The following SH3BGRL2 variants were observed in gnomAD, a reference collection of about 807,000 sequenced individuals.
SH3BGRL2 encodes SH3 domain binding glutamate rich protein like 2, also known as SH3 domain-binding glutamic acid-rich-like protein 2.
A neutral mutation model predicts 14.8 loss-of-function variants in SH3BGRL2; 21 were observed. That is an observed-to-expected ratio of 1.42 (90% confidence interval 1.01 to 2.05). The LOEUF (loss-of-function observed/expected upper bound fraction) is 2.05. Among genes scored for constraint, SH3BGRL2 ranks in the 30% most tolerant of loss-of-function variants. SH3BGRL2 has a pLI of 0.00. For synonymous variants in SH3BGRL2, 50 were observed against 47.8 expected (o/e 1.05, Z -0.19); for missense variants, 147 against 130.8 (o/e 1.12, Z -0.61).
At chr6:79,684,798 G>T (rs1348969163) in intron 2 of SH3BGRL2, among the ~76,000 whole-genome samples, 1 of 152,134 alleles carries the variant, frequency 6.6e-6, no homozygotes, top group Non-Finnish European at 1.5e-5. Flanking sequence ...TCTTAGAGAA[G>T]TTTATCTGCA....
At chr6:79,601,090 G>A in the SH3BGRL2 span, among the ~76,000 whole-genome samples, 1 of 152,162 alleles carries the variant, frequency 6.6e-6, no homozygotes, top group African/African-American at 2.4e-5. Context: ...TGGCAGCACT[G>A]TTTACCTAAA....
intron 1 of SH3BGRL2, among the ~76,000 whole-genome samples, chr6:79,647,459 A>G (rs12527512): frequency 3.3e-5 from 5 of 152,160 alleles, no homozygotes; most frequent in African/African-American, 7.2e-5. Context: ...ATCAACTCCT[A>G]TGTATTTATG....
chr6:79,648,270 AT>A (rs1331890480), intron 1 of SH3BGRL2, among the ~76,000 whole-genome samples: 13 of 127,600 alleles, frequency 1.0e-4, no homozygotes, highest in African/African-American at 3.5e-4. Context: ...ATATATATAT[AT>A]ATATATATAT....
At chr6:79,697,712 A>G (rs1770362246) in intron 3 of SH3BGRL2, among the ~76,000 whole-genome samples, 1 of 152,186 alleles carries the variant, frequency 6.6e-6, no homozygotes, top group Non-Finnish European at 1.5e-5. Flanking sequence ...TTTTATAAAG[A>G]TGGAACATTT....
At chr6:79,593,640 G>A in the SH3BGRL2 span, among the ~76,000 whole-genome samples, 3 of 152,130 alleles carry the variant, frequency 2.0e-5, no homozygotes, top group Admixed American at 2.0e-4. Flanking sequence ...AAAATACATT[G>A]CATATTAGAA....
At chr6:79,636,166 A>T (rs1768917481) in intron 1 of SH3BGRL2, among the ~76,000 whole-genome samples, 1 of 152,210 alleles carries the variant, frequency 6.6e-6, no homozygotes, top group African/African-American at 2.4e-5. Context: ...AGAGGAAGAG[A>T]CTGAAGCAAG....
chr6:79,673,697 A>C lies in SH3BGRL2; in HGVS notation c.129A>C (p.Glu43Asp). ...EFEEVDITMS[E>D]EQRQWMYKNV... ...AGGAGGTGGATATCACAATGTCAGA[A>C]GAACAGAGGCAATGGATGTACAAAA... The change falls in exon 2 of 4, where the codon GAA becomes GAC. Residue 43 changes from glutamate (E) to aspartate (D), a missense_variant. Glu to Asp is a conservative substitution (Grantham distance 45, BLOSUM62 2). Transcript: ENST00000369838. 1 of 1,614,212 alleles carries C rather than the reference A, an allele frequency of 6.2e-7. No individual in the cohort carries two copies. Among genetic ancestry groups the C allele is most frequent in the South Asian group, 1.1e-5 (1 of 91,076 alleles).
At chr6:79,645,018 G>T (rs1769101070) in intron 1 of SH3BGRL2, among the ~76,000 whole-genome samples, 1 of 151,880 alleles carries the variant, frequency 6.6e-6, no homozygotes, top group Non-Finnish European at 1.5e-5. Flanking sequence ...AAATTAGCTG[G>T]GTGTGCTGGC....
the SH3BGRL2 span, among the ~76,000 whole-genome samples, chr6:79,613,299 G>A: frequency 6.6e-6 from 1 of 152,210 alleles, no homozygotes; most frequent in Non-Finnish European, 1.5e-5. Context: ...CTGTTCAAGT[G>A]CCTGAAGCAG....
At chr6:79,594,341 A>T in the SH3BGRL2 span, among the ~76,000 whole-genome samples, 3 of 152,280 alleles carry the variant, frequency 2.0e-5, no homozygotes, top group Admixed American at 2.0e-4. Flanking sequence ...GCTTTGAGCT[A>T]TTCTTTGTTG....
chr6:79,588,734 A>C, the SH3BGRL2 span, among the ~76,000 whole-genome samples: 2 of 151,518 alleles, frequency 1.3e-5, no homozygotes, highest in African/African-American at 4.8e-5. Context: ...ACAATTAATA[A>C]AGTGACTGTA....
the SH3BGRL2 span, among the ~76,000 whole-genome samples, chr6:79,553,944 G>A: frequency 3.9e-4 from 59 of 150,564 alleles, no homozygotes; most frequent in Non-Finnish European, 6.9e-4. Flanking sequence ...CTCCAGCCTG[G>A]GTGACAGGGC....
At chr6:79,582,393 A>C in the SH3BGRL2 span, among the ~76,000 whole-genome samples, 2 of 152,192 alleles carry the variant, frequency 1.3e-5, no homozygotes, top group African/African-American at 2.4e-5. Flanking sequence ...CTATACTACA[A>C]GGCTACAGTA....
chr6:79,606,377 C>T, the SH3BGRL2 span, among the ~76,000 whole-genome samples: 6 of 152,168 alleles, frequency 3.9e-5, no homozygotes, highest in Non-Finnish European at 7.3e-5. Context: ...AATGTATTTT[C>T]TCCATATTGA....
chr6:79,621,093 T>C, the SH3BGRL2 span, among the ~76,000 whole-genome samples: 1 of 152,064 alleles, frequency 6.6e-6, no homozygotes. Context: ...CTAATAGTTA[T>C]GAGTGTTGAC....
intron 1 of SH3BGRL2, among the ~76,000 whole-genome samples, chr6:79,663,155 C>A (rs1769588493): frequency 6.6e-6 from 1 of 152,054 alleles, no homozygotes. Flanking sequence ...TCTGTCTACT[C>A]GTCAAAGTCA....
chr6:79,609,578 T>C, the SH3BGRL2 span, among the ~76,000 whole-genome samples: 1 of 152,304 alleles, frequency 6.6e-6, no homozygotes, highest in Admixed American at 6.5e-5. Flanking sequence ...TCAACAGAAC[T>C]ATCCGAGTTC....
chr6:79,588,746 CATAA>C, the SH3BGRL2 span, among the ~76,000 whole-genome samples: 1 of 149,978 alleles, frequency 6.7e-6, no homozygotes, highest in Non-Finnish European at 1.5e-5. Flanking sequence ...GTGACTGTAT[CATAA>C]ATAAAGAAAA....
At chr6:79,610,130 C>T in the SH3BGRL2 span, among the ~76,000 whole-genome samples, 3 of 152,166 alleles carry the variant, frequency 2.0e-5, no homozygotes, top group Non-Finnish European at 4.4e-5. Flanking sequence ...GGAAGGCACA[C>T]TATTACTATC....
Sources: gnomAD v4.1 joint callset for allele counts (sites outside exome capture counted in the v4.1 genomes callset) on GRCh38, gnomAD v4.1.1 for gene constraint, MANE v1.5 for transcripts, NCBI Gene and HGNC (gene_info 2026-07-23, HGNC 2026-07-21) for gene names.